The following C2CD5 variants were observed in gnomAD, a reference collection of about 807,000 sequenced individuals.
C2CD5 encodes the protein C2 calcium dependent domain containing 5, also known as C2 domain-containing protein 5.
In C2CD5, 109 loss-of-function variants were observed where a neutral mutation model predicts 130.3. That is an observed-to-expected ratio of 0.84 (90% CI 0.72 to 0.98). The LOEUF (loss-of-function observed/expected upper bound fraction) is 0.98. Ranked by LOEUF, C2CD5 falls within the 50% of genes least tolerant of loss-of-function variation. The pLI is 0.00. For synonymous variants in C2CD5, 454 were observed against 429.2 expected (o/e 1.06, Z -0.71); for missense variants, 996 against 1,261.8 (o/e 0.79, Z 3.19).
chr12:22,469,677 T>C (rs2136153401), intron 22 of C2CD5, 32 bp downstream of exon 22: 2 of 1,355,730 alleles, frequency 1.5e-6, no homozygotes, highest in South Asian at 1.3e-5. Flanking sequence ...GAAACCAGGA[T>C]TTGTGTTTGC....
In C2CD5 at chr12:22,532,060, G is replaced by A. The variant is rs183322209; in HGVS notation, c.177+3198C>T. On this transcript the variant is annotated intron_variant, in intron 3 of 26. Coordinates refer to ENST00000446597, the MANE Select transcript of C2CD5 (RefSeq NM_001286176.2). The stretch of plus-strand genomic sequence containing the variant: ...GATTTAAAAATATTATTCCCAGGCC[G>A]GGCATTACGCCTGTAATCCCAGCAC... Among the ~76,000 whole-genome samples, 8 of 152,220 alleles carry A rather than the reference G, an allele frequency of 5.3e-5. No homozygotes were observed. In the East Asian group the frequency reaches 7.7e-4, roughly 15 times the overall value.
intron 4 of C2CD5, among the ~76,000 whole-genome samples, chr12:22,526,906 C>T (rs1950769064): frequency 6.6e-6 from 1 of 152,130 alleles, no homozygotes; most frequent in Non-Finnish European, 1.5e-5. Flanking sequence ...CAAATCCCAG[C>T]ACTCTGGGAA....
chr12:22,540,600 T>C (rs1029916995), intron 2 of C2CD5, among the ~76,000 whole-genome samples: 8 of 152,248 alleles, frequency 5.3e-5, no homozygotes, highest in African/African-American at 1.9e-4. Flanking sequence ...GGCTCACATC[T>C]GTAATCCCAG....
rs1269164980 is a variant in C2CD5 at position 22,472,006 on chromosome 12, G to A, written c.2229C>T (p.Leu743=). 3 of 1,609,426 alleles carry A rather than the reference G, an allele frequency of 1.9e-6. No individual in the cohort carries two copies. Among genetic ancestry groups the A allele is most frequent in the Non-Finnish European group, 2.5e-6 (3 of 1,176,626 alleles). ...LSSLNLTNQA[L]NKNFNDLCEN... is the part of the protein sequence containing the mutation. Reference sequence around the variant, plus strand: ...CACAGAGATCATTAAAGTTCTTATTGAGAGCTTGATTAGTCAGGTTGAGGC... The same window carrying A: ...CACAGAGATCATTAAAGTTCTTATTAAGAGCTTGATTAGTCAGGTTGAGGC... The change falls in exon 19 of 27, where the codon CTC becomes CTT. Residue 743 remains leucine (L), a synonymous_variant. Coordinates refer to ENST00000446597, the MANE Select transcript of C2CD5 (RefSeq NM_001286176.2).
chr12:22,453,629 C>T (rs1158654660), intron 26 of C2CD5, among the ~76,000 whole-genome samples: 3 of 152,100 alleles, frequency 2.0e-5, no homozygotes, highest in Non-Finnish European at 2.9e-5. Flanking sequence ...AAACACCTAC[C>T]AACAAGAGGG....
chr12:22,497,710 G>A (rs999402061), intron 10 of C2CD5: 7 of 229,224 alleles, frequency 3.1e-5, no homozygotes, highest in Non-Finnish European at 3.6e-5. Flanking sequence ...CTAGGAAGAA[G>A]ATTCTCATTA....
chr12:22,458,703 T>C (rs959541259), intron 23 of C2CD5, 118 bp from the exon 24 acceptor site: 36 of 406,112 alleles, frequency 8.9e-5, no homozygotes, highest in Non-Finnish European at 1.0e-4. Flanking sequence ...AGAAAAAGAA[T>C]GGTCCTTTTC....
chr12:22,495,989 A>T (rs1591839793), intron 10 of C2CD5, among the ~76,000 whole-genome samples: 1 of 152,126 alleles, frequency 6.6e-6, no homozygotes, highest in East Asian at 1.9e-4. Flanking sequence ...AGCATACAGT[A>T]GGGAGCACTT....
intron 7 of C2CD5, among the ~76,000 whole-genome samples, chr12:22,522,023 G>A (rs575979253): frequency 1.3e-5 from 2 of 152,216 alleles, no homozygotes; most frequent in South Asian, 2.1e-4. Context: ...ACTGCAGTCC[G>A]AATCTGTCCT....
At chr12:22,468,259 C>T (rs577014931) in intron 22 of C2CD5, among the ~76,000 whole-genome samples, 4 of 152,128 alleles carry the variant, frequency 2.6e-5, no homozygotes, top group Non-Finnish European at 5.9e-5. Flanking sequence ...CCCCCTATCG[C>T]CTGGGCTGGA....
chr12:22,513,029 C>T (rs1949358803), intron 9 of C2CD5, among the ~76,000 whole-genome samples: 3 of 151,810 alleles, frequency 2.0e-5, no homozygotes, highest in Non-Finnish European at 4.4e-5. Context: ...AAAATTACTT[C>T]AGCATTCAAT....
chr12:22,534,334 A>G (rs75508859), intron 3 of C2CD5, among the ~76,000 whole-genome samples: 3,173 of 152,310 alleles, frequency 0.021, 118 homozygotes, highest in African/African-American at 0.07. Flanking sequence ...TAGAGTTGAC[A>G]ATGGATTCTT....
chr12:22,544,031 GTGTTT>G (rs1565830417), intron 2 of C2CD5, 25 bp downstream of exon 2: 2 of 1,536,896 alleles, frequency 1.3e-6, no homozygotes. Context: ...GGCGCTCCCT[GTGTTT>G]TGAGGGGCAG....
chr12:22,471,091 T>C (rs980120478), intron 20 of C2CD5, among the ~76,000 whole-genome samples, 180 bp from the exon 21 acceptor site: 1 of 152,026 alleles, frequency 6.6e-6, no homozygotes, highest in Admixed American at 6.6e-5. Context: ...CAAACAGTTA[T>C]ACCTAAATCT....
At chr12:22,468,710 T>C (rs189747445) in intron 22 of C2CD5, among the ~76,000 whole-genome samples, 8 of 152,338 alleles carry the variant, frequency 5.3e-5, no homozygotes, top group Admixed American at 4.6e-4. Flanking sequence ...CCACAGTTAC[T>C]ACGTTACAAA....
At chr12:22,478,203 A>G in intron 15 of C2CD5, 110 bp downstream of exon 15, 1 of 804,658 alleles carries the variant, frequency 1.2e-6, no homozygotes. Context: ...AATGAGTAAT[A>G]AGGAGAGCTA....
At position 22,482,601 on chromosome 12, in the gene C2CD5, T is replaced by G; in HGVS notation, c.1693A>C (p.Arg565=). The change falls in exon 14 of 27, where the codon AGA becomes CGA. Residue 565 remains arginine, a synonymous_variant. Transcript: ENST00000446597. ...TTTTCACCCACTGTGATCTGAATTC[T>G]TAGTCCAAACAAAGCATTCATTCCT... ...LKGMNALFGL[R]IQITVGENML... is the part of the protein sequence containing the mutation. 2 of 1,613,874 alleles carry G rather than the reference T, an allele frequency of 1.2e-6. No individual in the cohort carries two copies. The highest frequency in any genetic ancestry group is 1.1e-5 in the South Asian group (1 of 91,080).
chr12:22,472,094 T>C, intron 18 of C2CD5, 29 bp from the exon 19 acceptor site: 2 of 1,227,684 alleles, frequency 1.6e-6, no homozygotes, highest in Non-Finnish European at 2.4e-6. Flanking sequence ...AACATGTCAT[T>C]TTATTATTTT....
chr12:22,478,134 T>C, intron 15 of C2CD5, 179 bp downstream of exon 15: 2 of 583,584 alleles, frequency 3.4e-6, no homozygotes, highest in Non-Finnish European at 6.1e-6. Context: ...AATAGGATCG[T>C]TAGAGTAGGC....
Sources: allele counts gnomAD v4.1 joint callset (sites outside exome capture counted in the v4.1 genomes callset), GRCh38; gene constraint gnomAD v4.1.1; transcripts MANE v1.5; gene names NCBI Gene and HGNC (gene_info 2026-07-23, HGNC 2026-07-21).